Variants in PRSS23 observed in about 807,000 individuals in gnomAD.
PRSS23 encodes protease, serine 23.
In PRSS23, 25 loss-of-function variants were observed where a neutral mutation model predicts 34.7. That is an observed-to-expected ratio of 0.72 (90% CI 0.53 to 1.01). The LOEUF (loss-of-function observed/expected upper bound fraction) is 1.01. Ranked by LOEUF, PRSS23 falls within the 50% of genes least tolerant of loss-of-function variation. The pLI, the probability that PRSS23 is intolerant of heterozygous loss-of-function variation, is 0.00. For missense variants in PRSS23, 445 were observed against 475.6 expected (o/e 0.94, Z 0.60); for synonymous variants, 176 against 186.6 (o/e 0.94, Z 0.46).
At chr11:86,909,469 T>A (rs1380521411) in intron 2 of PRSS23, 2 of 152,254 alleles carry the variant, frequency 1.3e-5, no homozygotes, top group Non-Finnish European at 2.9e-5. Flanking sequence ...CTGGCTCTCA[T>A]CTAGTTCAAC....
intron 2 of PRSS23, among the ~76,000 whole-genome samples, chr11:86,868,350 T>C (rs1218966534): frequency 6.6e-6 from 1 of 152,102 alleles, no homozygotes; most frequent in Non-Finnish European, 1.5e-5. Flanking sequence ...GGCTGAACAA[T>C]AGCAAGTATG....
At chr11:86,951,447 T>A in exon 3 of PRSS23, 2 of 1,613,808 alleles carry the variant, frequency 1.2e-6, no homozygotes, top group Non-Finnish European at 1.7e-6. Context: ...AACACCCCAA[T>A]CTTGACCATC....
chr11:86,951,160 G>A, intron 2 of PRSS23: 1 of 1,613,896 alleles, frequency 6.2e-7, no homozygotes, highest in South Asian at 1.1e-5. Flanking sequence ...CAGTCTCACT[G>A]CCTTTTCCAG....
chr11:86,856,427 C>G (rs1437640717), intron 2 of PRSS23, among the ~76,000 whole-genome samples: 2 of 152,002 alleles, frequency 1.3e-5, no homozygotes, highest in Non-Finnish European at 2.9e-5. Flanking sequence ...CAGGTGATTT[C>G]AATCAAAGCC....
intron 2 of PRSS23, among the ~76,000 whole-genome samples, chr11:86,833,815 C>T (rs1156721051): frequency 6.6e-6 from 1 of 152,134 alleles, no homozygotes; most frequent in Non-Finnish European, 1.5e-5. Flanking sequence ...CTCAGTCCCC[C>T]CTCTCAACAG....
At chr11:86,823,199 A>G (rs1001805268) in intron 1 of PRSS23, 1 of 599,614 alleles carries the variant, frequency 1.7e-6, no homozygotes, top group Non-Finnish European at 3.0e-6. Context: ...CAATTTATTC[A>G]GTTCCTATTT....
At chr11:86,847,495 C>T (rs887863911) in intron 2 of PRSS23, among the ~76,000 whole-genome samples, 1 of 152,120 alleles carries the variant, frequency 6.6e-6, no homozygotes, top group African/African-American at 2.4e-5. Context: ...GAAAAGCGGC[C>T]ATGAGCTTTC....
At chr11:86,876,836 G>T (rs1161454595) in intron 2 of PRSS23, among the ~76,000 whole-genome samples, 1 of 151,878 alleles carries the variant, frequency 6.6e-6, no homozygotes, top group Non-Finnish European at 1.5e-5. Flanking sequence ...AAACCAATTA[G>T]AAAGACAAGT....
chr11:86,898,763 C>T (rs946275640), intron 2 of PRSS23, among the ~76,000 whole-genome samples: 3 of 152,180 alleles, frequency 2.0e-5, no homozygotes, highest in African/African-American at 7.2e-5. Flanking sequence ...GAATTGCATG[C>T]GGTGTGCATA....
At chr11:86,864,896 G>A (rs1296155663) in intron 2 of PRSS23, among the ~76,000 whole-genome samples, 1 of 152,166 alleles carries the variant, frequency 6.6e-6, no homozygotes, top group Non-Finnish European at 1.5e-5. Context: ...TCATCACACT[G>A]CCTTCTGTAA....
intron 1 of PRSS23, among the ~76,000 whole-genome samples, chr11:86,820,088 G>A (rs1948242039): frequency 6.6e-6 from 1 of 152,168 alleles, no homozygotes; most frequent in Non-Finnish European, 1.5e-5. Context: ...CCACGTGCAT[G>A]TAATTCAAAC....
At chr11:86,902,172 A>G (rs1264970679) in intron 2 of PRSS23, among the ~76,000 whole-genome samples, 1 of 152,142 alleles carries the variant, frequency 6.6e-6, no homozygotes, top group East Asian at 1.9e-4. Context: ...TAGAATATTC[A>G]TTTAGGAAGA....
chr11:86,850,073 T>A (rs774851694), intron 2 of PRSS23, among the ~76,000 whole-genome samples: 41 of 152,334 alleles, frequency 2.7e-4, no homozygotes, highest in Non-Finnish European at 4.9e-4. Context: ...GTTTAACCAA[T>A]GGATACCTGG....
chr11:86,825,677 C>A (rs1948294360), intron 2 of PRSS23, among the ~76,000 whole-genome samples: 1 of 151,872 alleles, frequency 6.6e-6, no homozygotes, highest in Non-Finnish European at 1.5e-5. Context: ...AGGAAGGGAT[C>A]CAGTTTCAGC....
intron 2 of PRSS23, among the ~76,000 whole-genome samples, chr11:86,908,205 A>G (rs1176119913): frequency 6.6e-6 from 1 of 152,210 alleles, no homozygotes; most frequent in African/African-American, 2.4e-5. Flanking sequence ...ATTCTTTTTA[A>G]TAAATACCCA....
intron 2 of PRSS23, among the ~76,000 whole-genome samples, chr11:86,912,965 A>C (rs963866334): frequency 1.3e-5 from 2 of 152,156 alleles, no homozygotes; most frequent in African/African-American, 2.4e-5. Context: ...TTCAATCTCT[A>C]TCTCTCACTA....
chr11:86,879,556 A>G (rs1354396037), intron 2 of PRSS23, among the ~76,000 whole-genome samples: 3 of 124,302 alleles, frequency 2.4e-5, no homozygotes, highest in Admixed American at 7.9e-5. Context: ...TGGGGGGGTC[A>G]GCCCCCCGCC....
chr11:86,951,690 C>T (rs777565148), exon 3 of PRSS23: 10 of 1,613,880 alleles, frequency 6.2e-6, no homozygotes, highest in East Asian at 2.2e-5. Context: ...GTTTTCACTG[C>T]GGGGATGGCC....
At chr11:86,903,734 C>T (rs1389201520) in intron 2 of PRSS23, among the ~76,000 whole-genome samples, 1 of 152,110 alleles carries the variant, frequency 6.6e-6, no homozygotes, top group Non-Finnish European at 1.5e-5. Flanking sequence ...CCACCTGCCT[C>T]GGCCTCCCAA....
Sources: gnomAD v4.1 joint callset for allele counts (sites outside exome capture counted in the v4.1 genomes callset) on GRCh38, gnomAD v4.1.1 for gene constraint, MANE v1.5 for transcripts, NCBI Gene and HGNC (gene_info 2026-07-23, HGNC 2026-07-21) for gene names.